Variants in STON2 observed in about 807,000 individuals in gnomAD.
The protein encoded by STON2 is stonin 2, also known as stonin-2.
STON2 carries 29 observed loss-of-function variants against 65.7 expected under a neutral mutation model. That is an observed-to-expected ratio of 0.44 (90% CI 0.33 to 0.60). The LOEUF is 0.60. STON2 is among the 20% of genes least tolerant of loss of function. The pLI is 0.03. For synonymous variants in STON2, 404 were observed against 414.2 expected, an observed-to-expected ratio of 0.98 and a Z score of 0.30; for missense variants, 1,054 against 1,118.1, an observed-to-expected ratio of 0.94 and a Z score of 0.82.
At chr14:81,322,441 A>G (rs1896854256) in intron 5 of STON2, among the ~76,000 whole-genome samples, 1 of 152,174 alleles carries the variant, frequency 6.6e-6, no homozygotes, top group African/African-American at 2.4e-5. Flanking sequence ...CTTCTTGCTC[A>G]CTTGGCCTCC....
chr14:81,432,966 G>A (rs995380912), intron 1 of STON2, among the ~76,000 whole-genome samples: 10 of 152,148 alleles, frequency 6.6e-5, no homozygotes, highest in African/African-American at 2.4e-4. Flanking sequence ...TGGGACCAGC[G>A]GCATCAGTAT....
In STON2 at chr14:81,345,410, T is replaced by C. The variant is rs1196660371; in HGVS notation, c.572-21223A>G. On this transcript the variant is annotated intron_variant, in intron 4 of 7. Transcript: ENST00000614646. ...GAAGATACAGGGAGAAAACTGGCCA[T>C]CTCCCAGCCAAGGAGCGGCCTCAGA... Among the ~76,000 whole-genome samples the C allele has an allele frequency of 5.7e-4, 86 of 152,098 alleles. 1 individual carries two copies.
chr14:81,261,669 C>T lies in STON2; in HGVS notation c.*6745G>A. The T allele has an allele frequency of 2.1e-6, 2 of 973,156 alleles. No individual in the cohort carries two copies. Among genetic ancestry groups the T allele is most frequent in the East Asian group, 2.8e-5 (1 of 35,258 alleles). 60.3% of individuals were successfully genotyped at this position (973,156 alleles called of 1,614,324 possible). On this transcript the variant is annotated 3_prime_UTR_variant, in exon 8 of 8. Transcript: ENST00000614646. The stretch of plus-strand genomic sequence containing the variant: ...ATACAAAATGACAAATATATATATA[C>T]CTCATTGATTATCCTATCATCCCCA...
chr14:81,397,927 A>G (rs1293758250), intron 2 of STON2, among the ~76,000 whole-genome samples: 1 of 152,228 alleles, frequency 6.6e-6, no homozygotes, highest in Non-Finnish European at 1.5e-5. Context: ...CCCTGGTGCA[A>G]CAGGGATTTG....
At chr14:81,341,240 T>G (rs906196960) in intron 4 of STON2, among the ~76,000 whole-genome samples, 12 of 152,146 alleles carry the variant, frequency 7.9e-5, no homozygotes, top group African/African-American at 2.2e-4. Flanking sequence ...TTGTTCCAAG[T>G]CAGAAAGACC....
intron 2 of STON2, chr14:81,412,952 C>T (rs985094678): frequency 2.3e-6 from 2 of 886,914 alleles, no homozygotes; most frequent in South Asian, 1.6e-5. Flanking sequence ...CAGCCAGCCC[C>T]CTTCTCCATG....
At chr14:81,409,430 A>AAT (rs3041454) in intron 2 of STON2, among the ~76,000 whole-genome samples, 25 of 147,730 alleles carry the variant, frequency 1.7e-4, no homozygotes, top group East Asian at 1.2e-3. Flanking sequence ...TAAATATAAA[A>AAT]ATATATATAT....
chr14:81,340,289 G>T (rs562406906), intron 4 of STON2, among the ~76,000 whole-genome samples: 1 of 152,194 alleles, frequency 6.6e-6, no homozygotes, highest in African/African-American at 2.4e-5. Context: ...GGGTGCTTAG[G>T]GGTGGGGTGG....
chr14:81,340,899 C>G (rs1482109555), intron 4 of STON2, among the ~76,000 whole-genome samples: 1 of 151,116 alleles, frequency 6.6e-6, no homozygotes, highest in African/African-American at 2.4e-5. Flanking sequence ...CATCTAATCA[C>G]TAGTGGAATA....
chr14:81,335,489 T>C (rs117291096), intron 4 of STON2, among the ~76,000 whole-genome samples: 5,383 of 152,266 alleles, frequency 0.035, 142 homozygotes, highest in Middle Eastern at 0.088. Flanking sequence ...TGGGTAAGAA[T>C]ATCCAGGGTG....
At chr14:81,344,681 G>C (rs999820558) in intron 4 of STON2, among the ~76,000 whole-genome samples, 5 of 152,124 alleles carry the variant, frequency 3.3e-5, no homozygotes, top group Non-Finnish European at 7.4e-5. Context: ...GACACTGACT[G>C]CCAAGAATGC....
chr14:81,302,600 T>C (rs1483704897), intron 5 of STON2, among the ~76,000 whole-genome samples: 1 of 152,246 alleles, frequency 6.6e-6, no homozygotes, highest in Non-Finnish European at 1.5e-5. Context: ...CTTCTGCTAA[T>C]ACACAGCTTT....
chr14:81,389,517 T>C (rs1481242359), intron 3 of STON2, among the ~76,000 whole-genome samples: 5 of 152,244 alleles, frequency 3.3e-5, no homozygotes, highest in Non-Finnish European at 7.3e-5. Context: ...TTAGAGTGGA[T>C]AAATGAGAAA....
At chr14:81,338,933 A>T (rs1360047999) in intron 4 of STON2, among the ~76,000 whole-genome samples, 1 of 152,224 alleles carries the variant, frequency 6.6e-6, no homozygotes, top group Non-Finnish European at 1.5e-5. Flanking sequence ...CCTGGACAGA[A>T]AAGCAGCATT....
chr14:81,366,300 C>T (rs1898723176), intron 4 of STON2, among the ~76,000 whole-genome samples: 1 of 152,216 alleles, frequency 6.6e-6, no homozygotes, highest in South Asian at 2.1e-4. Context: ...CCCTGCAGAA[C>T]TCTGCCGCAG....
intron 4 of STON2, among the ~76,000 whole-genome samples, chr14:81,366,965 G>A (rs1212779836): frequency 3.9e-5 from 6 of 152,152 alleles, no homozygotes; most frequent in South Asian, 2.1e-4. Context: ...TGACTTACCC[G>A]GAGGACAGAC....
Position 81,266,680 on chromosome 14 carries a change from C to T in STON2, c.*1734G>A. ...TAAGGCTTTTATTAACACCAGCTGA[C>T]TACATTAGCTTTGTGAATAGCCATG... On this transcript the variant is annotated 3_prime_UTR_variant, in exon 8 of 8. Transcript: ENST00000614646. The T allele has an allele frequency of 3.0e-6, 3 of 985,222 alleles. No individual in the cohort carries two copies. The highest frequency in any genetic ancestry group is 9.4e-5 in the South Asian group (2 of 21,278). 61.0% of individuals were successfully genotyped at this position (985,222 alleles called of 1,614,324 possible). A position where few individuals can be genotyped will look rare whatever the true frequency, so the allele number is the denominator to read the frequency against.
chr14:81,291,647 T>C (rs962224292), intron 5 of STON2, among the ~76,000 whole-genome samples: 2 of 151,632 alleles, frequency 1.3e-5, no homozygotes, highest in African/African-American at 4.8e-5. Flanking sequence ...ACACCTAGTA[T>C]GTTTGTATGT....
At position 81,413,534 on chromosome 14, in the gene STON2, G is replaced by A. The variant is rs533088045; in HGVS notation, c.-199+13568C>T. ...CTGTTGGCCGGGCGCAGTGGCTCAT[G>A]CCTGTAATCTCAGCACTTTGGGAGG... On this transcript the variant is annotated intron_variant, in intron 2 of 8. Coordinates refer to the STON2 transcript ENST00000553821. 5.7e-5 allele frequency among the ~76,000 whole-genome samples: 8 copies of A among 140,100 alleles called. 3 individuals carry two copies. The East Asian group carries it at 2.0e-3, about 35-fold the overall frequency. 91.9% of individuals were successfully genotyped at this position (140,100 alleles called of 152,430 possible). A position where few individuals can be genotyped will look rare whatever the true frequency, so the allele number is the denominator to read the frequency against.
Sources: allele counts gnomAD v4.1 joint callset (sites outside exome capture counted in the v4.1 genomes callset), GRCh38; gene constraint gnomAD v4.1.1; transcripts MANE v1.5; gene names NCBI Gene and HGNC (gene_info 2026-07-23, HGNC 2026-07-21).